The following NAALADL2 variants were observed in gnomAD, a reference collection of about 807,000 sequenced individuals.
The protein encoded by NAALADL2 is inactive N-acetylated-alpha-linked acidic dipeptidase-like protein 2.
NAALADL2 carries 76 observed loss-of-function variants against 87.2 expected under a neutral mutation model. The ratio of observed to expected loss-of-function variants is 0.87; its 90% CI spans 0.72 to 1.05. NAALADL2 has a LOEUF of 1.05. Ranked by LOEUF, NAALADL2 falls within the 50% of genes least tolerant of loss-of-function variation. The pLI, the probability that NAALADL2 is intolerant of heterozygous loss-of-function variation, is 0.00. For synonymous variants in NAALADL2, 354 were observed against 331.0 expected (o/e 1.07, Z -0.75); for missense variants, 1,089 against 945.8 (o/e 1.15, Z -1.99).
chr3:174,956,047 A>G (rs114400467), intron 1 of NAALADL2, among the ~76,000 whole-genome samples: 144 of 152,182 alleles, frequency 9.5e-4, no homozygotes, highest in African/African-American at 3.4e-3. Flanking sequence ...GATATTCACA[A>G]AATATGATAT....
At chr3:174,976,477 G>T (rs1453746310) in intron 1 of NAALADL2, among the ~76,000 whole-genome samples, 2 of 152,182 alleles carry the variant, frequency 1.3e-5, no homozygotes, top group Non-Finnish European at 2.9e-5. Context: ...TTTCCTATGT[G>T]TTTGCCTTGA....
At chr3:175,699,935 G>A (rs547093781) in intron 11 of NAALADL2, among the ~76,000 whole-genome samples, 1 of 152,222 alleles carries the variant, frequency 6.6e-6, no homozygotes. Flanking sequence ...GAAAGTCCAA[G>A]GGCATTTTCT....
intron 2 of NAALADL2, among the ~76,000 whole-genome samples, chr3:175,122,717 A>G (rs920670537): frequency 1.3e-5 from 2 of 151,754 alleles, no homozygotes; most frequent in East Asian, 1.9e-4. Context: ...GCCTCACTGC[A>G]CTCACATTTG....
chr3:174,685,540 A>C (rs1727951663), intron 2 of NAALADL2, among the ~76,000 whole-genome samples: 1 of 152,114 alleles, frequency 6.6e-6, no homozygotes, highest in Admixed American at 6.6e-5. Flanking sequence ...CATTTATGGA[A>C]GTGAGCAGAA....
At chr3:174,550,498 C>G (rs1711988644) in intron 1 of NAALADL2, 1 of 151,986 alleles carries the variant, frequency 6.6e-6, no homozygotes, top group Non-Finnish European at 1.5e-5. Context: ...AAGCCACAGA[C>G]TTGTTTTCTT....
At chr3:175,156,504 C>T (rs1732354387) in intron 2 of NAALADL2, among the ~76,000 whole-genome samples, 1 of 152,086 alleles carries the variant, frequency 6.6e-6, no homozygotes, top group Admixed American at 6.6e-5. Flanking sequence ...TAATACTCGT[C>T]ACAGCTTTGA....
chr3:174,524,763 A>G (rs1720585105), intron 1 of NAALADL2, among the ~76,000 whole-genome samples: 2 of 151,738 alleles, frequency 1.3e-5, no homozygotes, highest in Non-Finnish European at 2.9e-5. Flanking sequence ...GGGTCTCACC[A>G]TGTTGCTCAG....
intron 1 of NAALADL2, among the ~76,000 whole-genome samples, chr3:174,926,590 A>G (rs1304013119): frequency 6.6e-6 from 1 of 152,164 alleles, no homozygotes; most frequent in Non-Finnish European, 1.5e-5. Context: ...CCAGAATTTC[A>G]TATCCAGCCA....
At chr3:175,633,772 T>A (rs756586290) in intron 11 of NAALADL2, among the ~76,000 whole-genome samples, 19 of 151,682 alleles carry the variant, frequency 1.3e-4, no homozygotes, top group Non-Finnish European at 1.6e-4. Context: ...TGGCATAGGA[T>A]ATATAAGATT....
chr3:175,654,717 C>A (rs1731215985), intron 11 of NAALADL2, among the ~76,000 whole-genome samples: 1 of 152,112 alleles, frequency 6.6e-6, no homozygotes, highest in South Asian at 2.1e-4. Context: ...ATGCTGGTTT[C>A]ATTTATTTGT....
chr3:175,248,528 ATCTC>A (rs113284400), intron 3 of NAALADL2, among the ~76,000 whole-genome samples: 1 of 150,958 alleles, frequency 6.6e-6, no homozygotes, highest in Non-Finnish European at 1.5e-5. Context: ...CCAAATACAA[ATCTC>A]TCTCTCTCTC....
At chr3:175,296,448 T>A (rs1299875291) in intron 4 of NAALADL2, among the ~76,000 whole-genome samples, 1 of 152,194 alleles carries the variant, frequency 6.6e-6, no homozygotes, top group Non-Finnish European at 1.5e-5. Flanking sequence ...ATCTTAGGCA[T>A]GCATATGTTT....
At chr3:174,442,903 G>A (rs971526377) in intron 1 of NAALADL2, among the ~76,000 whole-genome samples, 3 of 152,240 alleles carry the variant, frequency 2.0e-5, no homozygotes, top group Admixed American at 2.0e-4. Flanking sequence ...CCATATATTT[G>A]GGGCAAGAGT....
chr3:174,850,586 C>T (rs1387738422), intron 3 of NAALADL2, among the ~76,000 whole-genome samples: 29 of 152,026 alleles, frequency 1.9e-4, no homozygotes, highest in Non-Finnish European at 7.4e-5. Context: ...TGTAAATATT[C>T]ATGCTCTGAA....
chr3:175,069,376 G>T (rs1715158438), intron 1 of NAALADL2, among the ~76,000 whole-genome samples: 1 of 150,060 alleles, frequency 6.7e-6, no homozygotes, highest in South Asian at 2.1e-4. Context: ...CTTCTCAAAA[G>T]AAGACATTTA....
At chr3:174,800,915 C>T (rs1352930406) in intron 3 of NAALADL2, among the ~76,000 whole-genome samples, 3 of 152,144 alleles carry the variant, frequency 2.0e-5, no homozygotes, top group Non-Finnish European at 2.9e-5. Flanking sequence ...GGGCTTGTAG[C>T]CCCTTTGTTT....
intron 2 of NAALADL2, among the ~76,000 whole-genome samples, chr3:174,671,757 G>GTT (rs1726560250): frequency 6.6e-6 from 1 of 151,994 alleles, no homozygotes; most frequent in Non-Finnish European, 1.5e-5. Flanking sequence ...AGGAACCTGG[G>GTT]TTTGAAGCCC....
chr3:175,132,062 T>C (rs1728066035), intron 2 of NAALADL2, among the ~76,000 whole-genome samples: 2 of 115,240 alleles, frequency 1.7e-5, no homozygotes, highest in African/African-American at 6.9e-5. Context: ...CACTTCCCAG[T>C]AGGGGCGGCT....
intron 1 of NAALADL2, among the ~76,000 whole-genome samples, chr3:175,056,004 C>T (rs773332522): frequency 6.6e-6 from 1 of 152,252 alleles, no homozygotes; most frequent in Non-Finnish European, 1.5e-5. Context: ...AGGGGACTGC[C>T]AAGCCTCTAT....
Sources: gnomAD v4.1 joint callset for allele counts (sites outside exome capture counted in the v4.1 genomes callset) on GRCh38, gnomAD v4.1.1 for gene constraint, MANE v1.5 for transcripts, NCBI Gene and HGNC (gene_info 2026-07-23, HGNC 2026-07-21) for gene names.